HIBADH: variants seen among roughly 807,000 people sequenced by gnomAD.
HIBADH encodes 3-hydroxyisobutyrate dehydrogenase, mitochondrial.
In HIBADH, 25 loss-of-function variants were observed where a neutral mutation model predicts 36.1. The ratio of observed to expected loss-of-function variants is 0.69; its 90% confidence interval spans 0.50 to 0.97. HIBADH has a LOEUF of 0.97. Ranked by LOEUF, HIBADH falls within the 50% of genes least tolerant of loss-of-function variation. The pLI is 0.00. For synonymous variants in HIBADH, 160 were observed against 149.5 expected, an observed-to-expected ratio of 1.07 and a Z score of -0.51; for missense variants, 421 against 418.0, an observed-to-expected ratio of 1.01 and a Z score of -0.06.
intron 4 of HIBADH, among the ~76,000 whole-genome samples, chr7:27,548,011 T>C (rs956993366): frequency 2.0e-5 from 3 of 152,170 alleles, no homozygotes; most frequent in South Asian, 4.1e-4. Context: ...ATTGAACTCA[T>C]TTGTACAAAT....
At chr7:27,625,825 G>A (rs1006734085) in intron 4 of HIBADH, among the ~76,000 whole-genome samples, 1 of 152,104 alleles carries the variant, frequency 6.6e-6, no homozygotes, top group African/African-American at 2.4e-5. Context: ...TTTAAGGCCA[G>A]GCATGGTGGC....
intron 4 of HIBADH, among the ~76,000 whole-genome samples, chr7:27,628,829 A>G (rs1468049679): frequency 6.6e-6 from 1 of 151,976 alleles, no homozygotes; most frequent in Admixed American, 6.6e-5. Context: ...CTTTTATAAC[A>G]TTTCTATCTG....
At chr7:27,654,873 G>C (rs544710852) in intron 1 of HIBADH, among the ~76,000 whole-genome samples, 1 of 151,982 alleles carries the variant, frequency 6.6e-6, no homozygotes, top group African/African-American at 2.4e-5. Context: ...TTTTTGTAGA[G>C]ATGAGGTTTC....
rs1053255876 is a variant in HIBADH at position 27,649,273 on chromosome 7, T to C, written c.252+200A>G. ...ATGTTCCAAGTCACCTGCCAAAGAA[T>C]AGATACCCCTGAATGTCTAACGAGA... On this transcript the variant is annotated intron_variant, in intron 2 of 7. Coordinates refer to ENST00000265395, the MANE Select transcript of HIBADH (RefSeq NM_152740.4). 1.7e-5 allele frequency: 7 copies of C among 420,082 alleles called. No individual in the cohort carries two copies. The South Asian group carries it at 2.1e-4, about 12-fold the overall frequency. 26.0% of individuals were successfully genotyped at this position (420,082 alleles called of 1,614,324 possible). A position where few individuals can be genotyped will look rare whatever the true frequency, so the allele number is the denominator to read the frequency against.
At chr7:27,560,039 A>G (rs867909843) in intron 4 of HIBADH, among the ~76,000 whole-genome samples, 4 of 152,222 alleles carry the variant, frequency 2.6e-5, no homozygotes, top group African/African-American at 4.8e-5. Flanking sequence ...TTGTTCCACT[A>G]TAAGACATCC....
intron 4 of HIBADH, among the ~76,000 whole-genome samples, chr7:27,599,710 T>A (rs2128290095): frequency 6.9e-6 from 1 of 144,444 alleles, no homozygotes; most frequent in African/African-American, 2.6e-5. Context: ...AAAAAATTGA[T>A]TACAGCTGAA....
chr7:27,580,658 T>C (rs2128287381), intron 4 of HIBADH, among the ~76,000 whole-genome samples: 1 of 152,298 alleles, frequency 6.6e-6, no homozygotes, highest in South Asian at 2.1e-4. Context: ...CACTCATCTA[T>C]CCATTAAACA....
At chr7:27,597,826 T>C (rs1273163457) in intron 4 of HIBADH, among the ~76,000 whole-genome samples, 1 of 152,192 alleles carries the variant, frequency 6.6e-6, no homozygotes, top group Non-Finnish European at 1.5e-5. Flanking sequence ...AGATCAAATT[T>C]TGATTACCTG....
At chr7:27,585,160 T>A (rs764962234) in intron 4 of HIBADH, among the ~76,000 whole-genome samples, 3 of 151,998 alleles carry the variant, frequency 2.0e-5, no homozygotes, top group Non-Finnish European at 4.4e-5. Flanking sequence ...GCATGTTTTT[T>A]ATATATGTAT....
chr7:27,647,632 G>T, intron 2 of HIBADH: 2 of 299,048 alleles, frequency 6.7e-6, no homozygotes, highest in South Asian at 3.3e-5. Flanking sequence ...CTTCATGCAG[G>T]GATAAGCCTT....
At chr7:27,605,611 A>AG (rs1449269709) in intron 4 of HIBADH, among the ~76,000 whole-genome samples, 1 of 143,538 alleles carries the variant, frequency 7.0e-6, no homozygotes, top group African/African-American at 2.5e-5. Context: ...AAAAAAAAAA[A>AG]AAAGCCAAAT....
intron 4 of HIBADH, among the ~76,000 whole-genome samples, chr7:27,555,556 C>A (rs1361738416): frequency 6.6e-6 from 1 of 152,072 alleles, no homozygotes; most frequent in Non-Finnish European, 1.5e-5. Flanking sequence ...TGTCCAAACA[C>A]CTTTTGTCCC....
At chr7:27,543,209 TG>T in intron 4 of HIBADH, 109 bp from the exon 5 acceptor site, 1 of 1,089,488 alleles carries the variant, frequency 9.2e-7, no homozygotes, top group Non-Finnish European at 1.3e-6. Flanking sequence ...GCCTCCAATC[TG>T]TATTTATGCC....
At chr7:27,581,155 G>A (rs1234810204) in intron 4 of HIBADH, among the ~76,000 whole-genome samples, 1 of 152,140 alleles carries the variant, frequency 6.6e-6, no homozygotes, top group Admixed American at 6.6e-5. Flanking sequence ...AGCCCTAAGG[G>A]CCAACTTGGG....
intron 4 of HIBADH, among the ~76,000 whole-genome samples, chr7:27,626,127 G>C (rs200684142): frequency 4.9e-5 from 3 of 61,126 alleles, no homozygotes; most frequent in African/African-American, 1.8e-4. Context: ...AAAAAAAAAA[G>C]ATGTACAGTT....
At chr7:27,645,381 T>TGTTTGTTTG (rs1562657286) in intron 2 of HIBADH, among the ~76,000 whole-genome samples, 1 of 129,366 alleles carries the variant, frequency 7.7e-6, no homozygotes, top group African/African-American at 3.1e-5. Flanking sequence ...TTTTTTTTTT[T>TGTTTGTTTG]TTTTTTTTTT....
intron 4 of HIBADH, among the ~76,000 whole-genome samples, chr7:27,554,793 A>G (rs1784367095): frequency 6.6e-6 from 1 of 152,222 alleles, no homozygotes; most frequent in South Asian, 2.1e-4. Context: ...GGCTGTGCTA[A>G]TAAGCTACAC....
rs75429332 is a variant in HIBADH, at chr7:27,567,155, T to C, written c.485-24055A>G. 6.4e-3 allele frequency among the ~76,000 whole-genome samples: 974 copies of C among 152,240 alleles called. 9 individuals are homozygous for C. The highest frequency in any genetic ancestry group is 0.035 in the East Asian group (184 of 5,192). ...AAGTCTCCAATAATAATTGTGGATT[T>C]GTTCATTTCTCCTTTTCATTCTGCT... On this transcript the variant is annotated intron_variant, in intron 4 of 7. Transcript: ENST00000265395.
At chr7:27,583,643 GTAATT>G (rs1243311103) in intron 4 of HIBADH, among the ~76,000 whole-genome samples, 6 of 152,002 alleles carry the variant, frequency 3.9e-5, no homozygotes, top group African/African-American at 1.4e-4. Flanking sequence ...TTCATAATAT[GTAATT>G]TAATCAATTC....
Sources: gnomAD v4.1 joint callset for allele counts (sites outside exome capture counted in the v4.1 genomes callset) on GRCh38, gnomAD v4.1.1 for gene constraint, MANE v1.5 for transcripts, NCBI Gene and HGNC (gene_info 2026-07-23, HGNC 2026-07-21) for gene names.